The following MYO5B variants were observed in gnomAD, a reference collection of about 807,000 sequenced individuals.
The protein encoded by MYO5B is myosin VB, also known as unconventional myosin-Vb.
MYO5B carries 143 observed loss-of-function variants against 229.3 expected under a neutral mutation model. The observed-to-expected ratio is 0.62, with a 90% CI of 0.54 to 0.72. The LOEUF (loss-of-function observed/expected upper bound fraction) is 0.72. Among genes scored for constraint, MYO5B ranks in the 30% least tolerant of loss-of-function variants. The probability of loss-of-function intolerance (pLI) is 0.00; values close to 1 mark genes in which losing one functional copy is unlikely to be tolerated. For missense variants in MYO5B, 2,321 were observed against 2,331.0 expected, an observed-to-expected ratio of 1.00 and a Z score of 0.09; for synonymous variants, 918 against 885.2, an observed-to-expected ratio of 1.04 and a Z score of -0.66.
intron 16 of MYO5B, among the ~76,000 whole-genome samples, chr18:49,935,352 G>A (rs913177727): frequency 1.3e-5 from 2 of 152,208 alleles, no homozygotes; most frequent in Non-Finnish European, 2.9e-5. Context: ...AGCCATGCGT[G>A]ACAAGCGGCT....
intron 1 of MYO5B, among the ~76,000 whole-genome samples, chr18:50,061,121 T>C (rs2030675961): frequency 6.6e-6 from 1 of 152,184 alleles, no homozygotes; most frequent in African/African-American, 2.4e-5. Context: ...AGCACAGCAT[T>C]TATCCATATA....
At chr18:49,852,691 T>C (rs1180728742) in intron 31 of MYO5B, among the ~76,000 whole-genome samples, 1 of 152,100 alleles carries the variant, frequency 6.6e-6, no homozygotes, top group Non-Finnish European at 1.5e-5. Flanking sequence ...TTCACTCCTG[T>C]CTGGGTGCCT....
intron 1 of MYO5B, among the ~76,000 whole-genome samples, chr18:50,128,256 AGCG>A (rs1430369094): frequency 6.6e-6 from 1 of 150,992 alleles, no homozygotes; most frequent in African/African-American, 2.4e-5. Context: ...TTGAATGAAA[AGCG>A]AAGATGTGAA....
intron 1 of MYO5B, among the ~76,000 whole-genome samples, chr18:50,179,589 G>A (rs1181781876): frequency 2.6e-5 from 4 of 152,154 alleles, no homozygotes; most frequent in Non-Finnish European, 2.9e-5. Context: ...AAACCACACA[G>A]CAGAGGTGAG....
chr18:50,163,528 C>A (rs530070450), intron 1 of MYO5B, among the ~76,000 whole-genome samples: 7 of 152,346 alleles, frequency 4.6e-5, no homozygotes, highest in African/African-American at 1.7e-4. Flanking sequence ...CTGGGGCACA[C>A]AATCTTAGTT....
At position 49,847,309 on chromosome 18, in the gene MYO5B, G is replaced by A. The variant is rs765628273; in HGVS notation, c.4316-20C>T. The A allele has an allele frequency of 1.2e-6, 2 of 1,611,392 alleles. No homozygotes were observed. Among genetic ancestry groups the A allele is most frequent in the African/African-American group, 1.3e-5 (1 of 74,868 alleles). On this transcript the variant is annotated intron_variant, in intron 32 of 39. Transcript: ENST00000285039. ...GGGCAGCTGAGCAGGAAAGAAAACAGGAAGCATGGATGAGACTTCCAGCTG... is the reference window on the plus strand; with the variant it reads ...GGGCAGCTGAGCAGGAAAGAAAACAAGAAGCATGGATGAGACTTCCAGCTG...
intron 1 of MYO5B, among the ~76,000 whole-genome samples, chr18:50,102,492 G>A (rs1021439414): frequency 1.3e-5 from 2 of 152,166 alleles, no homozygotes; most frequent in African/African-American, 2.4e-5. Flanking sequence ...GCAACACACA[G>A]ATCCAATGAA....
intron 4 of MYO5B, among the ~76,000 whole-genome samples, chr18:50,003,698 C>A (rs1041840958): frequency 6.6e-6 from 1 of 152,198 alleles, no homozygotes; most frequent in Non-Finnish European, 1.5e-5. Context: ...ATAAGGAGAA[C>A]TAGATTATAG....
At chr18:50,097,778 T>C (rs1286015816) in intron 1 of MYO5B, among the ~76,000 whole-genome samples, 1 of 152,182 alleles carries the variant, frequency 6.6e-6, no homozygotes, top group South Asian at 2.1e-4. Context: ...AGGCAAACCC[T>C]GACTGCCCAT....
chr18:50,044,192 G>A (rs2030154524), intron 2 of MYO5B, among the ~76,000 whole-genome samples: 1 of 152,190 alleles, frequency 6.6e-6, no homozygotes, highest in South Asian at 2.1e-4. Flanking sequence ...TGCAAGCTCA[G>A]CAGCCAAAGG....
At chr18:49,853,848 T>C (rs2024230610) in intron 30 of MYO5B, among the ~76,000 whole-genome samples, 1 of 152,268 alleles carries the variant, frequency 6.6e-6, no homozygotes, top group Non-Finnish European at 1.5e-5. Flanking sequence ...TCTCAGATGA[T>C]GGGAAACCAA....
chr18:50,189,974 TC>T (rs754039063), intron 1 of MYO5B, among the ~76,000 whole-genome samples: 47 of 152,022 alleles, frequency 3.1e-4, no homozygotes, highest in Non-Finnish European at 2.9e-4. Flanking sequence ...TAAAGTAACC[TC>T]CCAGCAGCAC....
Position 50,121,995 on chromosome 18 carries a change from T to C in MYO5B, c.28-66617A>G, listed in dbSNP as rs568045129. 2.6e-5 allele frequency among the ~76,000 whole-genome samples: 4 copies of C among 152,358 alleles called. No individual in the cohort carries two copies. The East Asian group carries it at 7.7e-4, about 29-fold the overall frequency. On this transcript the variant is annotated intron_variant, in intron 1 of 39. Coordinates refer to ENST00000285039, the MANE Select transcript of MYO5B (RefSeq NM_001080467.3). ...CAAGATTCACACTGGCTATGGAAAG[T>C]TCATGAGGCTTGCAGTCAAATAGGC...
In MYO5B at chr18:49,835,082, G is replaced by A. The variant is rs868703958; in HGVS notation, c.5394+262C>T. 3.3e-5 allele frequency among the ~76,000 whole-genome samples: 5 copies of A among 152,286 alleles called. No homozygotes were observed. The South Asian group carries it at 8.3e-4, about 25-fold the overall frequency. On this transcript the variant is annotated intron_variant, in intron 39 of 39. Coordinates refer to ENST00000285039, the MANE Select transcript of MYO5B (RefSeq NM_001080467.3). ...CTAATAGTTCAGTAACATGCTAGTG[G>A]CAAATGACATAATGCTTAAACTATG...
chr18:49,896,239 C>T (rs1205373024), intron 21 of MYO5B, among the ~76,000 whole-genome samples: 1 of 152,148 alleles, frequency 6.6e-6, no homozygotes, highest in Non-Finnish European at 1.5e-5. Flanking sequence ...GCCACCAGTC[C>T]ATTTCCTGCA....
intron 29 of MYO5B, among the ~76,000 whole-genome samples, chr18:49,858,234 C>G (rs2024286159): frequency 6.6e-6 from 1 of 152,226 alleles, no homozygotes; most frequent in Admixed American, 6.5e-5. Context: ...ATCCCAAACT[C>G]ATAACTCAGC....
chr18:49,840,640 T>C (rs1206865559), intron 35 of MYO5B: 1 of 152,490 alleles, frequency 6.6e-6, no homozygotes, highest in Admixed American at 6.5e-5. Flanking sequence ...AGCGGGCATA[T>C]CTGGAACAAG....
At chr18:50,050,744 T>C (rs1057393162) in intron 2 of MYO5B, among the ~76,000 whole-genome samples, 1 of 152,156 alleles carries the variant, frequency 6.6e-6, no homozygotes, top group Non-Finnish European at 1.5e-5. Flanking sequence ...GGTTCATGGG[T>C]TGTAACACTG....
chr18:49,862,561 C>T (rs1419247759), intron 29 of MYO5B, among the ~76,000 whole-genome samples: 3 of 152,212 alleles, frequency 2.0e-5, no homozygotes, highest in African/African-American at 7.2e-5. Context: ...CTCTGCAGTG[C>T]ACCTTCTCAG....
Sources: gnomAD v4.1 joint callset for allele counts (sites outside exome capture counted in the v4.1 genomes callset) on GRCh38, gnomAD v4.1.1 for gene constraint, MANE v1.5 for transcripts, NCBI Gene and HGNC (gene_info 2026-07-23, HGNC 2026-07-21) for gene names.